C8B: variants seen among roughly 807,000 people sequenced by gnomAD.
C8B encodes the protein complement C8 beta chain, also known as complement component C8 beta chain.
Under a neutral mutation model 64.6 loss-of-function variants are expected in C8B, and 67 were observed. The observed-to-expected ratio is 1.04, with a 90% CI of 0.85 to 1.27. The LOEUF (loss-of-function observed/expected upper bound fraction) is 1.27. Ranked by LOEUF, C8B falls within the 50% of genes most tolerant of loss-of-function variation. The probability of loss-of-function intolerance (pLI) is 0.00; values close to 1 mark genes in which losing one functional copy is unlikely to be tolerated. For missense variants in C8B, 790 were observed against 725.2 expected (o/e 1.09, Z -1.03); for synonymous variants, 284 against 257.7 (o/e 1.10, Z -0.98).
intron 6 of C8B, among the ~76,000 whole-genome samples, chr1:56,947,931 AAAAACAAAAC>A (rs765098065): frequency 6.2e-5 from 9 of 145,132 alleles, no homozygotes; most frequent in South Asian, 2.3e-4. Context: ...ACTCTGTCTC[AAAAACAAAAC>A]AAAACAAAAC....
Position 56,965,963 on chromosome 1 carries a change from A to T in C8B, c.-15T>A. The T allele has an allele frequency of 5.0e-6, 8 of 1,613,534 alleles. No homozygotes were observed. The highest frequency in any genetic ancestry group is 6.8e-6 in the Non-Finnish European group (8 of 1,179,996). ...GAATTCTTCATTTTCCCAATGTGACAGGAGATGCCACAGAGGCTGCTAGAC... is the reference window on the plus strand; with the variant it reads ...GAATTCTTCATTTTCCCAATGTGACTGGAGATGCCACAGAGGCTGCTAGAC... On this transcript the variant is annotated 5_prime_UTR_variant, in exon 1 of 12. Coordinates refer to ENST00000371237, the MANE Select transcript of C8B (RefSeq NM_000066.4).
chr1:56,951,744 A>G (rs1458786564), intron 5 of C8B, among the ~76,000 whole-genome samples: 3 of 152,218 alleles, frequency 2.0e-5, no homozygotes, highest in Non-Finnish European at 2.9e-5. Context: ...TTTGGATTAT[A>G]TGGATGGTAA....
intron 1 of C8B, 113 bp from the exon 2 acceptor site, chr1:56,960,289 T>A: frequency 1.0e-6 from 1 of 957,792 alleles, no homozygotes; most frequent in Non-Finnish European, 1.7e-6. Flanking sequence ...TGCAAGGCTA[T>A]TAGTTTATCA....
chr1:56,936,887 CT>C (rs2101371930), intron 9 of C8B, among the ~76,000 whole-genome samples: 1 of 152,262 alleles, frequency 6.6e-6, no homozygotes, highest in Non-Finnish European at 1.5e-5. Context: ...GCCACCACAC[CT>C]GCTGGGTTTT....
chr1:56,953,479 A>G (rs1194013137), intron 4 of C8B, among the ~76,000 whole-genome samples: 2 of 152,176 alleles, frequency 1.3e-5, no homozygotes, highest in Non-Finnish European at 2.9e-5. Flanking sequence ...CATTTTGCAG[A>G]TGAGAAACAT....
At chr1:56,959,741 A>T in intron 2 of C8B, 1 of 852,904 alleles carries the variant, frequency 1.2e-6, no homozygotes, top group Non-Finnish European at 1.8e-6. Flanking sequence ...CCCCTGTTTC[A>T]TGATGAAAGA....
chr1:56,945,193 T>G (rs1644923443), intron 7 of C8B, among the ~76,000 whole-genome samples: 1 of 152,178 alleles, frequency 6.6e-6, no homozygotes, highest in African/African-American at 2.4e-5. Context: ...ACATCCACAT[T>G]AAATTTTGAA....
At chr1:56,943,964 C>T in intron 7 of C8B, 140 bp from the exon 8 acceptor site, 1 of 932,922 alleles carries the variant, frequency 1.1e-6, no homozygotes. Flanking sequence ...AGCCTGATAA[C>T]AAGAAATGTA....
chr1:56,951,297 C>T (rs992192562), intron 5 of C8B, among the ~76,000 whole-genome samples: 6 of 152,144 alleles, frequency 3.9e-5, no homozygotes, highest in Non-Finnish European at 8.8e-5. Flanking sequence ...CTTCTAGTCT[C>T]GTCCCCCAGT....
chr1:56,952,305 T>A (rs1350856864), intron 4 of C8B, 125 bp from the exon 5 acceptor site: 1 of 1,308,996 alleles, frequency 7.6e-7, no homozygotes, highest in South Asian at 1.2e-5. Context: ...TGATACCTGG[T>A]CCAAGCCAGC....
At chr1:56,940,731 G>A (rs1269782956) in intron 9 of C8B, 118 bp downstream of exon 9, 2 of 1,081,236 alleles carry the variant, frequency 1.8e-6, no homozygotes, top group East Asian at 2.4e-5. Context: ...TCGTATATGT[G>A]TCCCAAAATT....
chr1:56,956,356 C>A (rs541699166), intron 3 of C8B, among the ~76,000 whole-genome samples: 9 of 152,196 alleles, frequency 5.9e-5, no homozygotes, highest in African/African-American at 2.2e-4. Context: ...GTTGAGGGAG[C>A]CAAAATGCAG....
At chr1:56,951,882 T>A (rs976948908) in intron 5 of C8B, among the ~76,000 whole-genome samples, 166 bp downstream of exon 5, 3 of 152,252 alleles carry the variant, frequency 2.0e-5, no homozygotes, top group Admixed American at 6.5e-5. Context: ...ATATACAGCA[T>A]GTCATCTTCA....
At chr1:56,941,156 C>T (rs1364333243) in intron 8 of C8B, 144 bp from the exon 9 acceptor site, 3 of 929,334 alleles carry the variant, frequency 3.2e-6, no homozygotes, top group Non-Finnish European at 5.0e-6. Context: ...TCCTTGTCCA[C>T]AGGGCAGTCA....
chr1:56,931,383 C>T (rs771502322), intron 11 of C8B, among the ~76,000 whole-genome samples: 4 of 152,078 alleles, frequency 2.6e-5, no homozygotes, highest in Non-Finnish European at 4.4e-5. Context: ...GCACAAAGAG[C>T]TATAATAGAT....
At chr1:56,939,880 G>T (rs1359921939) in intron 9 of C8B, among the ~76,000 whole-genome samples, 1 of 152,182 alleles carries the variant, frequency 6.6e-6, no homozygotes, top group Non-Finnish European at 1.5e-5. Flanking sequence ...TAATTACTTT[G>T]CAGACCAGTG....
At chr1:56,933,540 A>G (rs1644733516) in intron 9 of C8B, 52 bp from the exon 10 acceptor site, 1 of 1,530,116 alleles carries the variant, frequency 6.5e-7, no homozygotes, top group Admixed American at 1.7e-5. Flanking sequence ...TATCAAGTAG[A>G]AGTGTAAAAC....
Position 56,954,790 on chromosome 1 carries a change from G to T in C8B, c.429C>A (p.Asp143Glu). ...CATCTGACTGGTCTCCACAGTCATT[G>T]TCCCCATTGCAAAGAAGTCTGCGGT... Reference protein sequence around the residue: ...CVNRRLLCNGDNDCGDQSDEA... With the variant: ...CVNRRLLCNGENDCGDQSDEA... The change falls in exon 4 of 12, where the codon GAC (aspartate) becomes GAA (glutamate). Residue 143 changes from aspartate to glutamate, a missense_variant. Physicochemically the swap from Asp to Glu is conservative, Grantham distance 45. Transcript: ENST00000371237. The T allele has an allele frequency of 6.2e-7, 1 of 1,614,100 alleles. No individual in the cohort carries two copies.
chr1:56,941,532 AGATAGATAGATAG>A (rs1215996324), intron 8 of C8B, among the ~76,000 whole-genome samples: 1 of 133,130 alleles, frequency 7.5e-6, no homozygotes, highest in Non-Finnish European at 1.7e-5. Context: ...ATAGATAGAT[AGATAGATAGATAG>A]ATAGATAATA....
Sources: gnomAD v4.1 joint callset for allele counts (sites outside exome capture counted in the v4.1 genomes callset) on GRCh38, gnomAD v4.1.1 for gene constraint, MANE v1.5 for transcripts, NCBI Gene and HGNC (gene_info 2026-07-23, HGNC 2026-07-21) for gene names.